The following ZNF33B variants were observed in gnomAD, a reference collection of about 807,000 sequenced individuals.
ZNF33B encodes zinc finger protein 11b (KOX 2).
In ZNF33B, 29 loss-of-function variants were observed where a neutral mutation model predicts 45.8. That is an observed-to-expected ratio of 0.63 (90% CI 0.47 to 0.86). The LOEUF is 0.86. ZNF33B is among the 40% of genes least tolerant of loss of function. The pLI, the probability that ZNF33B is intolerant of heterozygous loss-of-function variation, is 0.00. For synonymous variants in ZNF33B, 305 were observed against 307.8 expected, an observed-to-expected ratio of 0.99 and a Z score of 0.10; for missense variants, 831 against 909.9, an observed-to-expected ratio of 0.91 and a Z score of 1.12.
chr10:42,622,255 A>T (rs1454355877), intron 4 of ZNF33B, among the ~76,000 whole-genome samples: 2 of 152,230 alleles, frequency 1.3e-5, no homozygotes, highest in Non-Finnish European at 2.9e-5. Flanking sequence ...TAAAAGGCTA[A>T]TACCATCCAA....
chr10:42,632,823 T>C, intron 2 of ZNF33B: 1 of 238,728 alleles, frequency 4.2e-6, no homozygotes, highest in Non-Finnish European at 8.1e-6. Flanking sequence ...TAGCTGTTGG[T>C]TGAATTATGA....
At chr10:42,587,851 A>C (rs1198424270), downstream of ZNF33B, among the ~76,000 whole-genome samples, 2 of 152,172 alleles carry the variant, frequency 1.3e-5, no homozygotes, top group African/African-American at 4.8e-5. Flanking sequence ...ATGCATGTGC[A>C]TCTTGACATT....
intron 1 of ZNF33B, among the ~76,000 whole-genome samples, chr10:42,575,736 ATT>A (rs796452502): frequency 1.4e-5 from 2 of 143,470 alleles, no homozygotes; most frequent in East Asian, 2.0e-4. Context: ...ATACATATAT[ATT>A]TTTTTTTTTT....
At chr10:42,576,383 T>C (rs571647910) in intron 1 of ZNF33B, among the ~76,000 whole-genome samples, 2 of 152,342 alleles carry the variant, frequency 1.3e-5, no homozygotes, top group Admixed American at 6.5e-5. Context: ...GATCTTGTTA[T>C]TGAAGCTCTA....
chr10:42,580,368 G>A (rs183273024), intron 1 of ZNF33B, among the ~76,000 whole-genome samples: 4 of 152,042 alleles, frequency 2.6e-5, no homozygotes, highest in Non-Finnish European at 5.9e-5. Flanking sequence ...ACCCTCCCAA[G>A]TAGCTGGGAT....
At chr10:42,620,328 C>T (rs1375581264) in intron 4 of ZNF33B, among the ~76,000 whole-genome samples, 1 of 151,810 alleles carries the variant, frequency 6.6e-6, no homozygotes, top group African/African-American at 2.4e-5. Flanking sequence ...GAAGTGTTTC[C>T]TTGTTGGTGA....
At chr10:42,598,220 T>A (rs140265356) in intron 4 of ZNF33B, among the ~76,000 whole-genome samples, 60 of 152,344 alleles carry the variant, frequency 3.9e-4, no homozygotes, top group African/African-American at 1.4e-3. Flanking sequence ...TTCTAATACT[T>A]TACTGACCAT....
At chr10:42,632,629 C>T (rs895192130) in intron 2 of ZNF33B, among the ~76,000 whole-genome samples, 190 bp from the exon 3 acceptor site, 2 of 152,154 alleles carry the variant, frequency 1.3e-5, no homozygotes, top group African/African-American at 4.8e-5. Context: ...CACAATGTAC[C>T]TGGAACTATC....
chr10:42,603,707 T>A lies in ZNF33B; in HGVS notation c.251-9008A>T, dbSNP rs560112881. 6.6e-5 allele frequency among the ~76,000 whole-genome samples: 10 copies of A among 152,158 alleles called. No individual in the cohort carries two copies. In the East Asian group the frequency reaches 1.9e-3, roughly 29 times the overall value. ...GACAGTGTTGAAAACAATAGAGCAATATGTCAGCAATCAGTAGCGGCTATC... is the reference window on the plus strand; with the variant it reads ...GACAGTGTTGAAAACAATAGAGCAAAATGTCAGCAATCAGTAGCGGCTATC... On this transcript the variant is annotated intron_variant, in intron 4 of 4. Coordinates refer to ENST00000359467, the MANE Select transcript of ZNF33B (RefSeq NM_006955.3).
At chr10:42,604,856 G>A (rs1589038897) in intron 4 of ZNF33B, among the ~76,000 whole-genome samples, 1 of 152,126 alleles carries the variant, frequency 6.6e-6, no homozygotes, top group Middle Eastern at 3.4e-3. Flanking sequence ...ATGAGGCAGA[G>A]GTTGCAGCGA....
intron 4 of ZNF33B, among the ~76,000 whole-genome samples, chr10:42,603,223 A>T (rs1837699324): frequency 6.6e-6 from 1 of 152,198 alleles, no homozygotes; most frequent in Non-Finnish European, 1.5e-5. Context: ...ATCCCGAATA[A>T]TGGAGCAGGA....
chr10:42,621,765 G>C (rs150302369), intron 4 of ZNF33B, among the ~76,000 whole-genome samples: 1 of 152,232 alleles, frequency 6.6e-6, no homozygotes, highest in Non-Finnish European at 1.5e-5. Flanking sequence ...ACTGATGAAA[G>C]AAAGCTTTCC....
chr10:42,632,179 A>C (rs1262398624), intron 3 of ZNF33B, 116 bp downstream of exon 3: 1 of 1,501,684 alleles, frequency 6.7e-7, no homozygotes, highest in African/African-American at 1.4e-5. Flanking sequence ...ATCAACACTG[A>C]CTCCTGAAGC....
rs1374022966 is a variant in ZNF33B at position 42,638,482 on chromosome 10, C to T, written c.-53G>A. ...AACCCGCGGAGGCTTACCTCACTCT[C>T]TCTTCGGGTTGCATTCGCCATAAGA... On this transcript the variant is annotated 5_prime_UTR_variant, in exon 1 of 5. Coordinates refer to ENST00000359467, the MANE Select transcript of ZNF33B (RefSeq NM_006955.3). The T allele has an allele frequency of 2.2e-6, 1 of 455,768 alleles. No individual in the cohort carries two copies. Among genetic ancestry groups the T allele is most frequent in the African/African-American group, 2.0e-5 (1 of 49,794 alleles). 28.2% of individuals were successfully genotyped at this position (455,768 alleles called of 1,614,324 possible). A position where few individuals can be genotyped will look rare whatever the true frequency, so the allele number is the denominator to read the frequency against.
intron 4 of ZNF33B, among the ~76,000 whole-genome samples, chr10:42,612,024 G>A (rs375299539): frequency 6.6e-6 from 1 of 151,986 alleles, no homozygotes; most frequent in African/African-American, 2.4e-5. Context: ...CCTTATCTTA[G>A]GGAGAAAGTA....
chr10:42,612,380 G>A (rs1174916965), intron 4 of ZNF33B, among the ~76,000 whole-genome samples: 1 of 151,948 alleles, frequency 6.6e-6, no homozygotes, highest in African/African-American at 2.4e-5. Context: ...GGGAATACAG[G>A]CGTGCTTCAC....
intron 1 of ZNF33B, chr10:42,582,902 G>A (rs1448759489): frequency 3.7e-5 from 18 of 480,232 alleles, no homozygotes; most frequent in South Asian, 2.5e-4. Flanking sequence ...CGTCTCTTTA[G>A]GCTGTTTCCA....
At chr10:42,618,380 C>A (rs1230916892) in intron 4 of ZNF33B, among the ~76,000 whole-genome samples, 3 of 152,076 alleles carry the variant, frequency 2.0e-5, no homozygotes, top group Admixed American at 6.6e-5. Flanking sequence ...GGGCTATGAC[C>A]CATAAAACTG....
intron 4 of ZNF33B, among the ~76,000 whole-genome samples, chr10:42,600,458 T>C (rs1037564256): frequency 4.6e-5 from 7 of 152,198 alleles, no homozygotes; most frequent in African/African-American, 1.7e-4. Context: ...TTCCTGGCTC[T>C]GAAAGCTACT....
Sources: gnomAD v4.1 joint callset for allele counts (sites outside exome capture counted in the v4.1 genomes callset) on GRCh38, gnomAD v4.1.1 for gene constraint, MANE v1.5 for transcripts, NCBI Gene and HGNC (gene_info 2026-07-23, HGNC 2026-07-21) for gene names.